VPS35: variants seen among roughly 807,000 people sequenced by gnomAD.
The protein encoded by VPS35 is VPS35 retromer complex component.
VPS35 carries 21 observed loss-of-function variants against 98.1 expected under a neutral mutation model. The ratio of observed to expected loss-of-function variants is 0.21; its 90% CI spans 0.15 to 0.31. VPS35 has a LOEUF of 0.31. Among genes scored for constraint, VPS35 ranks in the 10% least tolerant of loss-of-function variants. The pLI is 1.00. For synonymous variants in VPS35, 268 were observed against 318.2 expected, an observed-to-expected ratio of 0.84 and a Z score of 1.68; for missense variants, 554 against 950.8, an observed-to-expected ratio of 0.58 and a Z score of 5.49.
In VPS35 at chr16:46,672,028, A is replaced by G. The variant is rs555625377; in HGVS notation, c.1369-168T>C. Among the ~76,000 whole-genome samples the G allele has an allele frequency of 7.9e-5, 12 of 152,376 alleles. No individual in the cohort carries two copies. In the East Asian group the frequency reaches 2.3e-3, roughly 29 times the overall value. On this transcript the variant is annotated intron_variant, in intron 11 of 16. Transcript: ENST00000299138. The stretch of plus-strand genomic sequence containing the variant: ...TATGTCATACACACATATACAGACA[A>G]AAGTCTGGAAAGATATGCACCAAAT...
chr16:46,677,243 T>G, intron 7 of VPS35, 72 bp downstream of exon 7: 1 of 1,430,132 alleles, frequency 7.0e-7, no homozygotes, highest in Non-Finnish European at 9.8e-7. Flanking sequence ...CCATCAAAAT[T>G]TTTTCAAAAC....
Position 46,659,509 on chromosome 16 carries a change from G to A in VPS35, c.*963C>T, listed in dbSNP as rs1486689967. ...CAGGGTAAAGTTGAGGAAAGAAAAG[G>A]GGTATAAATGACTAAAAGAGTAGAT... is the stretch of plus-strand genomic sequence containing the variant. On this transcript the variant is annotated 3_prime_UTR_variant, in exon 17 of 17. Coordinates refer to ENST00000299138, the MANE Select transcript of VPS35 (RefSeq NM_018206.6). 1 of 152,160 alleles carries A rather than the reference G, an allele frequency of 6.6e-6. No individual in the cohort carries two copies. Among genetic ancestry groups the A allele is most frequent in the Non-Finnish European group, 1.5e-5 (1 of 68,044 alleles). The allele number at this position is 152,160 out of a possible 1,614,324, so 9.4% of individuals were successfully genotyped here. A position where few individuals can be genotyped will look rare whatever the true frequency, so the allele number is the denominator to read the frequency against.
rs1966268816 is a variant in VPS35 at position 46,683,726 on chromosome 16, T to C, written c.4-120A>G. 15 of 1,102,454 alleles carry C rather than the reference T, an allele frequency of 1.4e-5. No individual in the cohort carries two copies. In the South Asian group the frequency reaches 1.9e-4, roughly 14 times the overall value. 68.3% of individuals were successfully genotyped at this position (1,102,454 alleles called of 1,614,324 possible). ...TCCAGCTCTATACCTCAAACCCATT[T>C]ACCAAATTTTTTTTTTGAGACGGAG... On this transcript the variant is annotated intron_variant, in intron 1 of 16. Transcript: ENST00000299138.
At position 46,660,194 on chromosome 16, in the gene VPS35, T is replaced by TTTTG. The variant is rs1555522792; in HGVS notation, c.*277_*278insCAAA. On this transcript the variant is annotated 3_prime_UTR_variant, in exon 17 of 17. Transcript: ENST00000299138. Reference sequence around the variant, plus strand: ...GATAAGTGCTTGTGGGTTTTGTGTTTTTTTTTTTTTTTTTTTTTACAGATC... The same window carrying TTTTG: ...GATAAGTGCTTGTGGGTTTTGTGTTTTTTGTTTTTTTTTTTTTTTTTTACAGATC... 1.6e-5 allele frequency: 3 copies of TTTTG among 187,956 alleles called. 1 individual carries two copies. Among genetic ancestry groups the TTTTG allele is most frequent in the Non-Finnish European group, 1.1e-5 (1 of 94,302 alleles). The allele number at this position is 187,956 out of a possible 1,614,324, so 11.6% of individuals were successfully genotyped here. A position where few individuals can be genotyped will look rare whatever the true frequency, so the allele number is the denominator to read the frequency against.
intron 13 of VPS35, among the ~76,000 whole-genome samples, chr16:46,667,018 G>C (rs1229283368): frequency 6.6e-6 from 1 of 152,122 alleles, no homozygotes; most frequent in Non-Finnish European, 1.5e-5. Flanking sequence ...GGTAGTTCTA[G>C]TTTCAGTTTT....
At chr16:46,662,740 C>T (rs1965931907) in intron 14 of VPS35, among the ~76,000 whole-genome samples, 4 of 152,104 alleles carry the variant, frequency 2.6e-5, no homozygotes, top group Admixed American at 2.6e-4. Context: ...GTGCATTTCC[C>T]GAATTTTATG....
intron 13 of VPS35, among the ~76,000 whole-genome samples, chr16:46,665,276 G>A (rs1351745283): frequency 2.6e-5 from 4 of 152,148 alleles, no homozygotes; most frequent in Non-Finnish European, 5.9e-5. Context: ...TCTTGTTAAA[G>A]CAATCAGTTC....
At chr16:46,679,193 C>T (rs1356062962) in intron 5 of VPS35, 37 bp from the exon 6 acceptor site, 2 of 1,530,712 alleles carry the variant, frequency 1.3e-6, no homozygotes, top group Admixed American at 1.9e-5. Flanking sequence ...ACAGTATTTA[C>T]AGGACCAACT....
Position 46,661,992 on chromosome 16 carries a change from C to CCTT in VPS35, c.2068-134_2068-132dup. 1 of 1,395,064 alleles carries CCTT rather than the reference C, an allele frequency of 7.2e-7. No individual in the cohort carries two copies. The highest frequency in any genetic ancestry group is 9.9e-7 in the Non-Finnish European group (1 of 1,012,434). 86.4% of individuals were successfully genotyped at this position (1,395,064 alleles called of 1,614,324 possible). On this transcript the variant is annotated intron_variant, in intron 15 of 16. Transcript: ENST00000299138. This position sits in a 1 kb window ranked among gnomAD's most constrained non-coding sequence, Gnocchi z 4.3. ...AACAAATTTAAATCCTTTTCATTCT[C>CCTT]CTTCTTCTTGTTTTGAAGTATACAG...
chr16:46,668,789 A>T, intron 13 of VPS35, 141 bp downstream of exon 13: 1 of 1,156,416 alleles, frequency 8.6e-7, no homozygotes, highest in Non-Finnish European at 1.2e-6. Flanking sequence ...TAACAAATAG[A>T]GAGTTGGCGA....
At chr16:46,684,939 G>C (rs903922490) in intron 1 of VPS35, among the ~76,000 whole-genome samples, 1 of 152,090 alleles carries the variant, frequency 6.6e-6, no homozygotes, top group African/African-American at 2.4e-5. Flanking sequence ...GACATAAAAA[G>C]CCACATATTG....
In VPS35 at chr16:46,662,318, A is replaced by C. The variant is rs1447690118; in HGVS notation, c.1992T>G (p.Pro664=). The C allele has an allele frequency of 1.9e-6, 3 of 1,614,194 alleles. No homozygotes were observed. The highest frequency in any genetic ancestry group is 2.5e-6 in the Non-Finnish European group (3 of 1,180,038). Residue 664 remains proline (P), a synonymous_variant, in exon 15 of 17, where the codon CCT becomes CCG. Transcript: ENST00000299138. The part of the protein sequence containing the change: ...ALAASKLLKK[P]DQGRAVSTCA... ...AGGTGCTCACAGCTCGGCCCTGATC[A>C]GGTTTCTTTAGAAGTTTGGATGCAG...
rs2143007523 is a variant in VPS35, at chr16:46,672,475, A to G, written c.1161-3T>C. On this transcript the variant is annotated splice_polypyrimidine_tract_variant and splice_region_variant and intron_variant, in intron 10 of 16. Coordinates refer to ENST00000299138, the MANE Select transcript of VPS35 (RefSeq NM_018206.6). The stretch of plus-strand genomic sequence containing the variant: ...AAACTGCACTACTGGTAGCAATACT[A>G]CAAAAAGAAAAACAGAAGTCTTAAT... The G allele has an allele frequency of 1.9e-6, 3 of 1,611,076 alleles. No individual in the cohort carries two copies. Among genetic ancestry groups the G allele is most frequent in the Non-Finnish European group, 2.5e-6 (3 of 1,178,820 alleles).
intron 1 of VPS35, chr16:46,688,381 C>A (rs901941121): frequency 2.0e-5 from 20 of 987,072 alleles, no homozygotes; most frequent in Non-Finnish European, 2.3e-5. Context: ...AACAGCCACA[C>A]CACGATTTGC....
chr16:46,667,912 A>G (rs1241316599), intron 13 of VPS35, among the ~76,000 whole-genome samples: 3 of 152,152 alleles, frequency 2.0e-5, no homozygotes, highest in African/African-American at 7.2e-5. Context: ...ATATTACCAT[A>G]CTGCTTTAAT....
intron 13 of VPS35, among the ~76,000 whole-genome samples, chr16:46,663,862 A>ATTTTTTTT (rs546485076): frequency 0.15 from 4,396 of 28,632 alleles, 1,646 homozygotes; most frequent in East Asian, 0.53. Context: ...CACCTGGCTA[A>ATTTTTTTT]TTTTTTTTTT....
intron 13 of VPS35, among the ~76,000 whole-genome samples, chr16:46,666,858 T>C (rs910719768): frequency 3.9e-5 from 6 of 152,242 alleles, no homozygotes; most frequent in Non-Finnish European, 8.8e-5. Flanking sequence ...ACAATTTCTT[T>C]ACTCATCTAT....
intron 13 of VPS35, among the ~76,000 whole-genome samples, chr16:46,665,568 C>A (rs1965975546): frequency 7.1e-6 from 1 of 139,946 alleles, no homozygotes; most frequent in African/African-American, 2.7e-5. Flanking sequence ...GTATCCCAGT[C>A]TGGGCAACAA....
At chr16:46,663,234 AG>A (rs1280620604) in intron 13 of VPS35, 72 bp from the exon 14 acceptor site, 8 of 1,374,928 alleles carry the variant, frequency 5.8e-6, no homozygotes, top group Non-Finnish European at 8.1e-6. Context: ...CCATTTTAAT[AG>A]AACAAAATAC....
Sources: gnomAD v4.1 joint callset for allele counts (sites outside exome capture counted in the v4.1 genomes callset) on GRCh38, gnomAD v4.1.1 for gene constraint, Gnocchi (gnomAD v3.1) non-coding constraint, MANE v1.5 for transcripts, NCBI Gene and HGNC (gene_info 2026-07-23, HGNC 2026-07-21) for gene names.